CCDC149: variants seen among roughly 807,000 people sequenced by gnomAD.
The protein encoded by CCDC149 is coiled-coil domain containing 149, also known as coiled-coil domain-containing protein 149.
In CCDC149, 45 loss-of-function variants were observed where a neutral mutation model predicts 59.9. That is an observed-to-expected ratio of 0.75 (90% CI 0.59 to 0.96). The LOEUF is 0.96. Ranked by LOEUF, CCDC149 falls within the 40% of genes least tolerant of loss-of-function variation. CCDC149 has a pLI of 0.00. For synonymous variants in CCDC149, 245 were observed against 260.6 expected, an observed-to-expected ratio of 0.94 and a Z score of 0.58; for missense variants, 584 against 664.7, an observed-to-expected ratio of 0.88 and a Z score of 1.33.
intron 6 of CCDC149, among the ~76,000 whole-genome samples, 176 bp from the exon 7 acceptor site, chr4:24,836,684 G>T (rs140009659): frequency 2.0e-5 from 3 of 152,272 alleles, no homozygotes; most frequent in South Asian, 2.1e-4. Context: ...TTCCTTAAAT[G>T]AATGCAATCA....
chr4:24,813,054 T>C (rs1461184891), intron 12 of CCDC149, among the ~76,000 whole-genome samples: 1 of 152,086 alleles, frequency 6.6e-6, no homozygotes, highest in African/African-American at 2.4e-5. Flanking sequence ...AGTGTGATGG[T>C]ATTTGGAGGT....
intron 1 of CCDC149, among the ~76,000 whole-genome samples, chr4:24,969,247 C>A (rs1723890650): frequency 6.6e-6 from 1 of 152,192 alleles, no homozygotes; most frequent in Admixed American, 6.5e-5. Flanking sequence ...AGACTAAATC[C>A]AGCCACTGCT....
At chr4:24,822,828 C>T (rs1715497770) in intron 9 of CCDC149, 1 of 304,710 alleles carries the variant, frequency 3.3e-6, no homozygotes, top group Non-Finnish European at 6.0e-6. Flanking sequence ...GGTAGTTTTC[C>T]TGGGAAGCTA....
chr4:24,929,667 ACCT>A lies in CCDC149; in HGVS notation c.-64-34552_-64-34550del, dbSNP rs537333591. On this transcript the variant is annotated intron_variant, in intron 1 of 12. Coordinates refer to the CCDC149 transcript ENST00000389609. ...GAATCTCTGACTTTCTGTCCTAAAG[ACCT>A]CCTGATTTCCTCCCTCTGTGCCTCT... Among the ~76,000 whole-genome samples the A allele has an allele frequency of 7.9e-5, 12 of 151,666 alleles. No homozygotes were observed. The South Asian group carries it at 2.5e-3, about 32-fold the overall frequency.
intron 1 of CCDC149, among the ~76,000 whole-genome samples, chr4:24,910,595 G>T (rs148728542): frequency 4.6e-5 from 7 of 152,072 alleles, no homozygotes; most frequent in Non-Finnish European, 1.5e-5. Context: ...CATTTGCTGC[G>T]GACTCAAAGT....
At chr4:24,948,531 C>T (rs1723187682) in intron 1 of CCDC149, among the ~76,000 whole-genome samples, 1 of 152,162 alleles carries the variant, frequency 6.6e-6, no homozygotes, top group African/African-American at 2.4e-5. Context: ...GGCCAGCTTC[C>T]ACTCAGGTTT....
chr4:24,846,276 C>A lies in CCDC149; in HGVS notation c.372+6796G>T, dbSNP rs559398862. Among the ~76,000 whole-genome samples, 3 of 152,284 alleles carry A rather than the reference C, an allele frequency of 2.0e-5. No individual in the cohort carries two copies. In the East Asian group the frequency reaches 5.8e-4, roughly 29 times the overall value. ...CCAGGTAGAGCAAGACATGATAGGGCAGGGAGGTGGGGTGCGGTGAAGGGC... is the reference window on the plus strand; with the variant it reads ...CCAGGTAGAGCAAGACATGATAGGGAAGGGAGGTGGGGTGCGGTGAAGGGC... On this transcript the variant is annotated intron_variant, in intron 4 of 12. Coordinates refer to ENST00000635206, the MANE Select transcript of CCDC149 (RefSeq NM_001330643.2).
chr4:24,941,546 CA>C (rs1722953927), intron 1 of CCDC149, among the ~76,000 whole-genome samples: 3 of 152,108 alleles, frequency 2.0e-5, no homozygotes, highest in East Asian at 3.9e-4. Context: ...TAACTAAGAT[CA>C]GAGCAGAACT....
At chr4:24,842,200 A>T (rs1053600999) in intron 4 of CCDC149, among the ~76,000 whole-genome samples, 2 of 152,220 alleles carry the variant, frequency 1.3e-5, no homozygotes, top group Admixed American at 1.3e-4. Flanking sequence ...TTTGATACTT[A>T]GCACAGGCCC....
intron 3 of CCDC149, among the ~76,000 whole-genome samples, chr4:24,864,164 C>T (rs975905555): frequency 6.6e-6 from 1 of 152,126 alleles, no homozygotes; most frequent in Non-Finnish European, 1.5e-5. Flanking sequence ...TAAATAATAG[C>T]CCTTCTCAAA....
chr4:24,938,658 TGACA>T (rs1274253653), intron 1 of CCDC149, among the ~76,000 whole-genome samples: 1 of 151,742 alleles, frequency 6.6e-6, no homozygotes. Flanking sequence ...AAGAAAGGGG[TGACA>T]GACAGCACCT....
chr4:24,972,357 G>T (rs545921232), intron 1 of CCDC149, among the ~76,000 whole-genome samples: 1 of 146,032 alleles, frequency 6.8e-6, no homozygotes, highest in East Asian at 2.1e-4. Flanking sequence ...ACCCAGGCTG[G>T]AGTGCAGTGG....
At chr4:24,891,868 G>T (rs943014646) in intron 1 of CCDC149, among the ~76,000 whole-genome samples, 1 of 151,868 alleles carries the variant, frequency 6.6e-6, no homozygotes, top group African/African-American at 2.4e-5. Flanking sequence ...GTGTGGTGGC[G>T]TACATCTGTA....
intron 3 of CCDC149, among the ~76,000 whole-genome samples, chr4:24,863,989 C>T (rs73804445): frequency 2.2e-4 from 34 of 151,864 alleles, no homozygotes; most frequent in African/African-American, 7.5e-4. Flanking sequence ...GTTCCATCTG[C>T]GAGGGGCACC....
chr4:24,817,578 C>T (rs1715097348), intron 12 of CCDC149, among the ~76,000 whole-genome samples: 1 of 152,018 alleles, frequency 6.6e-6, no homozygotes, highest in South Asian at 2.1e-4. Context: ...CCACTCCATG[C>T]ACTATTATGA....
intron 1 of CCDC149, among the ~76,000 whole-genome samples, chr4:24,900,347 T>C (rs940507247): frequency 5.3e-5 from 8 of 152,198 alleles, no homozygotes; most frequent in Non-Finnish European, 8.8e-5. Flanking sequence ...GGCTCTCTCC[T>C]GACATCACTG....
At chr4:24,830,497 T>G (rs1240833538) in intron 9 of CCDC149, 4 of 152,328 alleles carry the variant, frequency 2.6e-5, no homozygotes, top group Non-Finnish European at 4.4e-5. Flanking sequence ...TGGTGCAATC[T>G]TCCCTTCACT....
At chr4:24,945,997 G>A (rs1250233337) in intron 1 of CCDC149, among the ~76,000 whole-genome samples, 1 of 152,060 alleles carries the variant, frequency 6.6e-6, no homozygotes, top group East Asian at 1.9e-4. Context: ...ATTGTTCCAG[G>A]AAAAAAGGAA....
chr4:24,857,662 T>C (rs115659351), intron 3 of CCDC149, among the ~76,000 whole-genome samples: 18 of 152,316 alleles, frequency 1.2e-4, no homozygotes, highest in Middle Eastern at 3.4e-3. Context: ...GACCTAGTGA[T>C]GTGATTATTG....
Sources: allele counts gnomAD v4.1 joint callset (sites outside exome capture counted in the v4.1 genomes callset), GRCh38; gene constraint gnomAD v4.1.1; transcripts MANE v1.5; gene names NCBI Gene and HGNC (gene_info 2026-07-23, HGNC 2026-07-21).